The following SMAGP variants were observed in gnomAD, a reference collection of about 807,000 sequenced individuals.
SMAGP encodes small cell transmembrane and glycosylated protein.
In SMAGP, 7 loss-of-function variants were observed where a neutral mutation model predicts 10.1. The observed-to-expected ratio is 0.70, with a 90% CI of 0.40 to 1.31. The LOEUF (loss-of-function observed/expected upper bound fraction) is 1.31, where lower values mean the gene tolerates loss of function less well. SMAGP is among the 50% of genes most tolerant of loss of function. The pLI is 0.01. For synonymous variants in SMAGP, 49 were observed against 47.2 expected (o/e 1.04, Z -0.16); for missense variants, 113 against 116.5 (o/e 0.97, Z 0.14).
At chr12:51,248,434 A>ACTCTCT (rs56012746) in intron 2 of SMAGP, among the ~76,000 whole-genome samples, 3 of 77,468 alleles carry the variant, frequency 3.9e-5, no homozygotes, top group African/African-American at 5.1e-5. Context: ...ACACACACAC[A>ACTCTCT]CTCTCTCTCT....
chr12:51,248,103 C>T (rs1038441017), intron 2 of SMAGP, among the ~76,000 whole-genome samples: 7 of 147,318 alleles, frequency 4.8e-5, no homozygotes, highest in East Asian at 2.2e-4. Context: ...GCATGACTCC[C>T]GTCCAGTGCC....
At chr12:51,265,445 A>T (rs890407549) in intron 2 of SMAGP, among the ~76,000 whole-genome samples, 5 of 152,228 alleles carry the variant, frequency 3.3e-5, no homozygotes, top group Non-Finnish European at 7.3e-5. Flanking sequence ...CAGTCACAAT[A>T]GCCAAAAGGT....
At chr12:51,254,282 C>G (rs1261133424) in intron 2 of SMAGP, among the ~76,000 whole-genome samples, 2 of 152,212 alleles carry the variant, frequency 1.3e-5, no homozygotes, top group African/African-American at 2.4e-5. Flanking sequence ...GGCGCGGTGG[C>G]TCATGCCTGT....
At chr12:51,261,034 C>G (rs1944927951) in intron 2 of SMAGP, among the ~76,000 whole-genome samples, 1 of 151,082 alleles carries the variant, frequency 6.6e-6, no homozygotes, top group African/African-American at 2.4e-5. Flanking sequence ...CGTGATACAC[C>G]TACCTTGGCC....
chr12:51,249,275 C>T (rs938376048), intron 2 of SMAGP, among the ~76,000 whole-genome samples: 2 of 152,172 alleles, frequency 1.3e-5, no homozygotes, highest in African/African-American at 2.4e-5. Context: ...GTTCTGTGAG[C>T]TACTCCAGCA....
At position 51,246,045 on chromosome 12, in the gene SMAGP, C is replaced by T. The variant is rs750130733; in HGVS notation, c.190G>A (p.Gly64Ser). ...LIFFYLYKNK[G>S]SYVTYEPTEG... ...GTAGGTTCATAGGTGACGTAGCTGC[C>T]TTTGTTCTTGTACAGGTAAAAGAAG... Residue 64 changes from glycine (G) to serine (S), a missense_variant, in exon 4 of 4, where the codon GGC becomes AGC. Gly to Ser is a moderately conservative substitution (Grantham distance 56, BLOSUM62 0). Coordinates refer to ENST00000603798, the MANE Select transcript of SMAGP (RefSeq NM_001031628.2). The T allele has an allele frequency of 1.2e-6, 2 of 1,613,946 alleles. No individual in the cohort carries two copies. The highest frequency in any genetic ancestry group is 2.2e-5 in the South Asian group (2 of 91,080).
rs183515007 is a variant in SMAGP at position 51,268,980 on chromosome 12, C to T, written c.34+265G>A. ...CAAGAGATCCTCCTGTCTCAGTCTC[C>T]CAAAGTCCTGGGATTACCGACATAA... On this transcript the variant is annotated intron_variant, in intron 2 of 3. Transcript: ENST00000603798. 1.6e-3 allele frequency among the ~76,000 whole-genome samples: 247 copies of T among 152,272 alleles called. 1 individual carries two copies. Among genetic ancestry groups the T allele is most frequent in the Non-Finnish European group, 3.0e-3 (207 of 68,024 alleles).
chr12:51,267,472 C>CG (rs1317208138), intron 2 of SMAGP, among the ~76,000 whole-genome samples: 2 of 146,988 alleles, frequency 1.4e-5, no homozygotes, highest in African/African-American at 5.0e-5. Flanking sequence ...CTATTCCCCC[C>CG]CCCCACTCCG....
chr12:51,258,044 G>A (rs532209168), intron 2 of SMAGP, among the ~76,000 whole-genome samples: 89 of 152,148 alleles, frequency 5.8e-4, no homozygotes, highest in South Asian at 6.2e-4. Context: ...GCACACACCT[G>A]TAAGTCCAGC....
intron 2 of SMAGP, among the ~76,000 whole-genome samples, chr12:51,267,485 T>A (rs1592238530): frequency 1.2e-5 from 1 of 81,470 alleles, no homozygotes; most frequent in Non-Finnish European, 2.6e-5. Flanking sequence ...CCACTCCGTG[T>A]CCCCCTAACT....
intron 2 of SMAGP, among the ~76,000 whole-genome samples, chr12:51,252,669 G>GCTCA (rs1256659572): frequency 6.6e-6 from 1 of 151,100 alleles, no homozygotes; most frequent in Non-Finnish European, 1.5e-5. Flanking sequence ...GGGATTACAG[G>GCTCA]CGTGAGCCAC....
chr12:51,269,143 G>A (rs1945003526), intron 2 of SMAGP, 102 bp downstream of exon 2: 1 of 1,271,642 alleles, frequency 7.9e-7, no homozygotes. Flanking sequence ...GGCAGAGAGA[G>A]GTGGGAGTCT....
chr12:51,266,890 C>T (rs900629206), intron 2 of SMAGP, among the ~76,000 whole-genome samples: 9 of 152,282 alleles, frequency 5.9e-5, no homozygotes, highest in Admixed American at 5.2e-4. Flanking sequence ...CCGAGAAGGG[C>T]AGATCACTTG....
At chr12:51,248,477 A>C (rs939506210) in intron 2 of SMAGP, among the ~76,000 whole-genome samples, 1 of 127,678 alleles carries the variant, frequency 7.8e-6, no homozygotes, top group African/African-American at 3.2e-5. Context: ...CTCTCTCTCT[A>C]GGTTTTCATC....
chr12:51,246,223 G>A (rs1944768561), intron 3 of SMAGP, 104 bp from the exon 4 acceptor site: 7 of 1,496,168 alleles, frequency 4.7e-6, no homozygotes, highest in Non-Finnish European at 4.5e-6. Context: ...AGATCCTCTT[G>A]TTTTCATTAA....
intron 2 of SMAGP, among the ~76,000 whole-genome samples, chr12:51,263,321 T>C (rs972793549): frequency 2.6e-5 from 4 of 151,314 alleles, no homozygotes; most frequent in Non-Finnish European, 5.9e-5. Flanking sequence ...AGGCAGAGGT[T>C]GCAGTTAGCC....
chr12:51,269,170 G>C, intron 2 of SMAGP, 75 bp downstream of exon 2: 4 of 1,554,528 alleles, frequency 2.6e-6, no homozygotes, highest in Non-Finnish European at 3.6e-6. Flanking sequence ...CTGGGCTGAG[G>C]CTTCCAGGAC....
At chr12:51,260,477 C>T (rs538336613) in intron 2 of SMAGP, among the ~76,000 whole-genome samples, 10 of 150,568 alleles carry the variant, frequency 6.6e-5, no homozygotes, top group African/African-American at 1.5e-4. Context: ...CCCAGGTTCA[C>T]GCCATTCTCC....
chr12:51,258,514 C>T (rs1214565220), intron 2 of SMAGP, among the ~76,000 whole-genome samples: 1 of 151,928 alleles, frequency 6.6e-6, no homozygotes, highest in African/African-American at 2.4e-5. Context: ...ATCGCTTGAA[C>T]CTGGGAGGCA....
Sources: gnomAD v4.1 joint callset for allele counts (sites outside exome capture counted in the v4.1 genomes callset) on GRCh38, gnomAD v4.1.1 for gene constraint, MANE v1.5 for transcripts, NCBI Gene and HGNC (gene_info 2026-07-23, HGNC 2026-07-21) for gene names.